Variants in AGBL1 observed in about 807,000 individuals in gnomAD.
AGBL1 encodes the protein cytosolic carboxypeptidase 4.
Under a neutral mutation model 118.9 loss-of-function variants are expected in AGBL1, and 130 were observed. The ratio of observed to expected loss-of-function variants is 1.09; its 90% CI spans 0.95 to 1.26. The LOEUF (loss-of-function observed/expected upper bound fraction) is 1.26, where lower values mean the gene tolerates loss of function less well. AGBL1 is among the 50% of genes most tolerant of loss of function. The pLI, the probability that AGBL1 is intolerant of heterozygous loss-of-function variation, is 0.00. For synonymous variants in AGBL1, 555 were observed against 478.9 expected (o/e 1.16, Z -2.08); for missense variants, 1,584 against 1,298.1 (o/e 1.22, Z -3.38).
intron 21 of AGBL1, among the ~76,000 whole-genome samples, chr15:86,664,922 C>T (rs543615021): frequency 6.6e-6 from 1 of 151,812 alleles, no homozygotes; most frequent in Admixed American, 6.6e-5. Context: ...GAATGAGTGG[C>T]AAAAGCAATT....
rs183679542 is a variant in AGBL1 at position 86,442,218 on chromosome 15, C to A, written c.2555+44672C>A. On this transcript the variant is annotated intron_variant, in intron 18 of 22. Coordinates refer to ENST00000614907, the MANE Select transcript of AGBL1 (RefSeq NM_001386094.1). ...AGGTCAGAAAAAGAAAACAAAAATC[C>A]CTGGCTTTGAATCTGAGGAGCAGGC... Among the ~76,000 whole-genome samples the A allele has an allele frequency of 2.1e-4, 32 of 152,272 alleles. 1 individual carries two copies. The highest frequency in any genetic ancestry group is 1.7e-3 in the Admixed American group (26 of 15,304).
chr15:86,574,724 A>T (rs1475047462), intron 21 of AGBL1, among the ~76,000 whole-genome samples: 1 of 151,330 alleles, frequency 6.6e-6, no homozygotes, highest in African/African-American at 2.4e-5. Context: ...ACTACAGGCA[A>T]GCACCACCAC....
intron 19 of AGBL1, among the ~76,000 whole-genome samples, chr15:86,542,533 A>AT (rs2083518572): frequency 6.6e-6 from 1 of 151,748 alleles, no homozygotes; most frequent in Admixed American, 6.6e-5. Context: ...TGCCTGGCCA[A>AT]TTTTTTGTAT....
chr15:86,714,713 A>G (rs1239112686), intron 22 of AGBL1, among the ~76,000 whole-genome samples: 1 of 152,166 alleles, frequency 6.6e-6, no homozygotes, highest in Admixed American at 6.5e-5. Flanking sequence ...TCTGAAAGTC[A>G]ACATGGCTCC....
intron 22 of AGBL1, among the ~76,000 whole-genome samples, chr15:86,885,589 T>C (rs1192671591): frequency 6.6e-6 from 1 of 152,244 alleles, no homozygotes; most frequent in Non-Finnish European, 1.5e-5. Context: ...TTTATAGTAC[T>C]AGCATCTATG....
intron 5 of AGBL1, among the ~76,000 whole-genome samples, chr15:86,221,138 C>A (rs1203632617): frequency 1.3e-5 from 2 of 151,994 alleles, no homozygotes; most frequent in Non-Finnish European, 2.9e-5. Flanking sequence ...GTGGAGGTTG[C>A]AGTGAGCTGA....
At chr15:86,812,768 C>A (rs950581352) in intron 22 of AGBL1, among the ~76,000 whole-genome samples, 1 of 152,204 alleles carries the variant, frequency 6.6e-6, no homozygotes, top group Non-Finnish European at 1.5e-5. Context: ...TCACAATCAC[C>A]ACCCATGTTA....
chr15:86,128,855 G>C (rs938187695), intron 1 of AGBL1, among the ~76,000 whole-genome samples: 32 of 152,270 alleles, frequency 2.1e-4, no homozygotes, highest in Middle Eastern at 3.4e-3. Flanking sequence ...ATACTTCCTA[G>C]GGTGAGATAT....
chr15:86,262,540 T>A (rs2079008846), intron 9 of AGBL1: 1 of 533,500 alleles, frequency 1.9e-6, no homozygotes, highest in Non-Finnish European at 3.4e-6. Context: ...AATTTTTATT[T>A]CTGATGAAGG....
intron 3 of AGBL1, among the ~76,000 whole-genome samples, chr15:86,151,095 T>C (rs888718691): frequency 6.6e-6 from 1 of 151,762 alleles, no homozygotes; most frequent in African/African-American, 2.4e-5. Context: ...TAGGTGGGAA[T>C]TGAACAATGA....
chr15:87,001,722 G>C (rs995577228), intron 24 of AGBL1, among the ~76,000 whole-genome samples: 6 of 152,166 alleles, frequency 3.9e-5, no homozygotes, highest in Admixed American at 2.6e-4. Context: ...GCATTTCTCT[G>C]ATGGCCAGTG....
intron 5 of AGBL1, among the ~76,000 whole-genome samples, chr15:86,178,785 G>T (rs1001952957): frequency 6.6e-6 from 1 of 152,140 alleles, no homozygotes; most frequent in Non-Finnish European, 1.5e-5. Flanking sequence ...TACAAAGAAG[G>T]AAAACTTCCA....
intron 21 of AGBL1, among the ~76,000 whole-genome samples, chr15:86,637,408 A>G (rs1319556112): frequency 6.6e-6 from 1 of 152,096 alleles, no homozygotes; most frequent in East Asian, 1.9e-4. Flanking sequence ...GGAAGAAGAT[A>G]GCTTGATGAG....
At chr15:86,847,565 A>G (rs1486115374) in intron 22 of AGBL1, among the ~76,000 whole-genome samples, 1 of 152,204 alleles carries the variant, frequency 6.6e-6, no homozygotes, top group African/African-American at 2.4e-5. Context: ...AAGGCCACGC[A>G]GTTATGCATA....
intron 22 of AGBL1, among the ~76,000 whole-genome samples, chr15:86,713,027 G>A (rs1039289471): frequency 6.6e-6 from 1 of 152,180 alleles, no homozygotes; most frequent in Non-Finnish European, 1.5e-5. Context: ...TTTAGCTTGT[G>A]TGTCTGTTTC....
At chr15:86,916,605 A>G (rs763382760), downstream of AGBL1, among the ~76,000 whole-genome samples, 18 of 152,208 alleles carry the variant, frequency 1.2e-4, 1 homozygote, top group Non-Finnish European at 2.9e-5. Flanking sequence ...TGAGAGTCCA[A>G]GGTTTAGGCT....
chr15:87,026,368 T>A (rs1345791540), intron 24 of AGBL1, among the ~76,000 whole-genome samples: 1 of 151,716 alleles, frequency 6.6e-6, no homozygotes. Flanking sequence ...CTCGAAGATA[T>A]ACAAATGGCC....
chr15:86,270,384 T>C (rs1383996397), intron 14 of AGBL1, among the ~76,000 whole-genome samples: 2 of 152,192 alleles, frequency 1.3e-5, no homozygotes, highest in Non-Finnish European at 2.9e-5. Context: ...TAGGAGCAAA[T>C]GCTTTGACCT....
intron 22 of AGBL1, among the ~76,000 whole-genome samples, chr15:86,906,882 C>A (rs1275347790): frequency 6.6e-6 from 1 of 152,172 alleles, no homozygotes; most frequent in African/African-American, 2.4e-5. Context: ...GAGCAGTGAT[C>A]TGAGGTTAAA....
Sources: gnomAD v4.1 joint callset for allele counts (sites outside exome capture counted in the v4.1 genomes callset) on GRCh38, gnomAD v4.1.1 for gene constraint, MANE v1.5 for transcripts, NCBI Gene and HGNC (gene_info 2026-07-23, HGNC 2026-07-21) for gene names.